Variants in RPS6KA5 observed in about 807,000 individuals in gnomAD.
RPS6KA5 encodes the protein ribosomal protein S6 kinase alpha-5.
In RPS6KA5, 27 loss-of-function variants were observed where a neutral mutation model predicts 85.5. The observed-to-expected ratio is 0.32, with a 90% CI of 0.23 to 0.44. The LOEUF is 0.44. Among genes scored for constraint, RPS6KA5 ranks in the 20% least tolerant of loss-of-function variants. The pLI is 1.00. For synonymous variants in RPS6KA5, 334 were observed against 348.2 expected (o/e 0.96, Z 0.46); for missense variants, 811 against 980.9 (o/e 0.83, Z 2.31).
intron 14 of RPS6KA5, among the ~76,000 whole-genome samples, chr14:90,885,773 A>AG (rs2034180716): frequency 8.7e-6 from 1 of 115,106 alleles, no homozygotes; most frequent in African/African-American, 3.1e-5. Flanking sequence ...AAAAAAAAAA[A>AG]GAAAAAAGAA....
At chr14:90,970,783 T>C (rs561398637) in intron 3 of RPS6KA5, among the ~76,000 whole-genome samples, 2 of 152,086 alleles carry the variant, frequency 1.3e-5, no homozygotes, top group South Asian at 4.1e-4. Flanking sequence ...GAAAAAGTTA[T>C]AAAAGGAGAC....
At chr14:90,930,260 T>C (rs2036902305) in intron 5 of RPS6KA5, among the ~76,000 whole-genome samples, 1 of 152,248 alleles carries the variant, frequency 6.6e-6, no homozygotes, top group African/African-American at 2.4e-5. Flanking sequence ...AACAGACTCG[T>C]AAGTATGCTT....
At chr14:90,979,632 A>T (rs1315644360) in intron 2 of RPS6KA5, among the ~76,000 whole-genome samples, 2 of 152,220 alleles carry the variant, frequency 1.3e-5, no homozygotes, top group Non-Finnish European at 2.9e-5. Context: ...TGGGAACTGG[A>T]TTAGTACCAA....
At chr14:90,902,510 A>G (rs2035229051) in intron 9 of RPS6KA5, among the ~76,000 whole-genome samples, 1 of 152,174 alleles carries the variant, frequency 6.6e-6, no homozygotes. Context: ...TTAAATATGA[A>G]TAGAGGTAAA....
In RPS6KA5 at chr14:90,920,207, T is replaced by C. The variant is rs1017996699; in HGVS notation, c.805A>G (p.Arg269Gly). 2.6e-6 allele frequency: 4 copies of C among 1,565,246 alleles called. No individual in the cohort carries two copies. Among genetic ancestry groups the C allele is most frequent in the Non-Finnish European group, 3.5e-6 (4 of 1,135,996 alleles). The change falls in exon 7 of 17, where the codon AGG (arginine) becomes GGG (glycine). Residue 269 changes from arginine (R) to glycine (G), a missense_variant and splice_region_variant. Arg to Gly is a moderately radical substitution (Grantham distance 125). Coordinates refer to ENST00000614987, the MANE Select transcript of RPS6KA5 (RefSeq NM_004755.4). ...GEKNSQAEIS[R>G]RILKSEPPYP... ...TTATTTTATTTTGTCAAATCTTACC[T>C]AGATATCTCAGCTTGGGAATTTTTT... is the stretch of plus-strand genomic sequence containing the variant.
intron 5 of RPS6KA5, among the ~76,000 whole-genome samples, chr14:90,936,544 C>A (rs1360078156): frequency 6.6e-6 from 1 of 151,702 alleles, no homozygotes; most frequent in Non-Finnish European, 1.5e-5. Context: ...AGACCAAGAC[C>A]CCATCTTTTA....
intron 7 of RPS6KA5, among the ~76,000 whole-genome samples, chr14:90,919,654 A>G (rs1185611848): frequency 6.6e-6 from 1 of 152,178 alleles, no homozygotes; most frequent in Admixed American, 6.5e-5. Context: ...AGAGCTTACA[A>G]TCTAGTGTGA....
chr14:90,923,481 C>T (rs1404657581), intron 5 of RPS6KA5, among the ~76,000 whole-genome samples: 1 of 152,124 alleles, frequency 6.6e-6, no homozygotes, highest in Non-Finnish European at 1.5e-5. Context: ...TTCCATGAAT[C>T]CATTCATTTA....
intron 7 of RPS6KA5, among the ~76,000 whole-genome samples, chr14:90,915,324 T>C (rs1014101500): frequency 3.3e-5 from 5 of 152,124 alleles, no homozygotes; most frequent in East Asian, 1.9e-4. Context: ...TAACCAATAC[T>C]GGGTACAGAA....
At chr14:91,054,630 T>C (rs2043233059) in intron 1 of RPS6KA5, among the ~76,000 whole-genome samples, 1 of 135,744 alleles carries the variant, frequency 7.4e-6, no homozygotes, top group South Asian at 2.3e-4. Context: ...AGCAAGACTC[T>C]GTCTCAGAAA....
intron 7 of RPS6KA5, among the ~76,000 whole-genome samples, chr14:90,918,607 G>A (rs556270098): frequency 5.3e-5 from 8 of 152,260 alleles, no homozygotes; most frequent in African/African-American, 1.9e-4. Flanking sequence ...AGCTCACAAC[G>A]GTCTTCCTTT....
At position 90,848,648 on chromosome 14, in the gene RPS6KA5, T is replaced by G. The variant is rs2031833114; in HGVS notation, c.*23426A>C. ...TCCTTGCATGTTCAGAATGTCCTTA[T>G]GTTCTTCTAGAGAGACTTAGAAAAA... On this transcript the variant is annotated 3_prime_UTR_variant, in exon 17 of 17. Coordinates refer to ENST00000614987, the MANE Select transcript of RPS6KA5 (RefSeq NM_004755.4). 1 of 152,166 alleles carries G rather than the reference T, an allele frequency of 6.6e-6. No homozygotes were observed. The highest frequency in any genetic ancestry group is 2.4e-5 in the African/African-American group (1 of 41,444). The allele number at this position is 152,166 out of a possible 1,614,324, so 9.4% of individuals were successfully genotyped here. A position where few individuals can be genotyped will look rare whatever the true frequency, so the allele number is the denominator to read the frequency against.
At chr14:91,011,377 T>C (rs1010215624) in intron 1 of RPS6KA5, among the ~76,000 whole-genome samples, 6 of 152,048 alleles carry the variant, frequency 3.9e-5, no homozygotes, top group African/African-American at 1.5e-4. Flanking sequence ...TCCCAGCTAC[T>C]CAGGGGGCTG....
chr14:90,971,820 C>G, intron 3 of RPS6KA5, among the ~76,000 whole-genome samples: 1 of 152,188 alleles, frequency 6.6e-6, no homozygotes, highest in East Asian at 1.9e-4. Context: ...CCATGACCTA[C>G]TCCTTCAGCA....
intron 1 of RPS6KA5, among the ~76,000 whole-genome samples, chr14:91,021,633 T>C (rs558567880): frequency 4.6e-5 from 7 of 152,192 alleles, no homozygotes; most frequent in African/African-American, 1.7e-4. Context: ...GGCTGGTCTC[T>C]AACTCCTGAC....
At chr14:91,010,922 G>A (rs1054795312) in intron 1 of RPS6KA5, among the ~76,000 whole-genome samples, 5 of 152,050 alleles carry the variant, frequency 3.3e-5, no homozygotes, top group Admixed American at 6.6e-5. Context: ...AAGGTGTCAA[G>A]GGCAGGAAAA....
chr14:91,000,889 T>G (rs1174369806), intron 2 of RPS6KA5, among the ~76,000 whole-genome samples, 199 bp downstream of exon 2: 1 of 152,160 alleles, frequency 6.6e-6, no homozygotes, highest in African/African-American at 2.4e-5. Context: ...AGGGATTGGT[T>G]TCCCTAAATC....
chr14:90,915,403 T>C (rs906879394), intron 7 of RPS6KA5, among the ~76,000 whole-genome samples: 2 of 152,200 alleles, frequency 1.3e-5, no homozygotes, highest in Non-Finnish European at 2.9e-5. Flanking sequence ...CTCTACTGCC[T>C]TTCCAGCTCA....
chr14:90,881,452 C>CA (rs375439250), intron 14 of RPS6KA5, among the ~76,000 whole-genome samples: 30,884 of 125,754 alleles, frequency 0.25, 3,527 homozygotes, highest in Middle Eastern at 0.3. Flanking sequence ...GACTCTGTCT[C>CA]AAAAAAAAAA....
Sources: allele counts gnomAD v4.1 joint callset (sites outside exome capture counted in the v4.1 genomes callset), GRCh38; gene constraint gnomAD v4.1.1; transcripts MANE v1.5; gene names NCBI Gene and HGNC (gene_info 2026-07-23, HGNC 2026-07-21).